Variants in ST6GAL1 observed in about 807,000 individuals in gnomAD.
ST6GAL1 encodes ST6 beta-galactoside alpha-2,6-sialyltransferase 1, also known as beta-galactoside alpha-2,6-sialyltransferase 1.
In ST6GAL1, 20 loss-of-function variants were observed where a neutral mutation model predicts 38.0. That is an observed-to-expected ratio of 0.53 (90% CI 0.37 to 0.77). ST6GAL1 has a LOEUF of 0.77. Among genes scored for constraint, ST6GAL1 ranks in the 30% least tolerant of loss-of-function variants. The pLI is 0.00. For synonymous variants in ST6GAL1, 196 were observed against 188.2 expected, an observed-to-expected ratio of 1.04 and a Z score of -0.34; for missense variants, 432 against 496.4, an observed-to-expected ratio of 0.87 and a Z score of 1.23.
At position 186,946,276 on chromosome 3, in the gene ST6GAL1, C is replaced by G. The variant is rs901166612; in HGVS notation, c.-325+15442C>G. Among the ~76,000 whole-genome samples, 10 of 151,738 alleles carry G rather than the reference C, an allele frequency of 6.6e-5. No individual in the cohort carries two copies. The South Asian group carries it at 1.9e-3, about 28-fold the overall frequency. ...TGCAGTGAGCTGAGGTCGTGCCACT[C>G]TAGCCTGGGCGACAGAGTGAGATTC... On this transcript the variant is annotated intron_variant, in intron 1 of 7. Transcript: ENST00000169298.
chr3:187,067,132 G>A (rs1383183259), intron 5 of ST6GAL1, among the ~76,000 whole-genome samples: 3 of 136,064 alleles, frequency 2.2e-5, no homozygotes, highest in African/African-American at 8.4e-5. Context: ...TGTCACCCAG[G>A]CTGGAGTGCA....
intron 5 of ST6GAL1, among the ~76,000 whole-genome samples, chr3:187,066,692 G>C (rs1011027414): frequency 6.6e-6 from 1 of 151,842 alleles, no homozygotes; most frequent in South Asian, 2.1e-4. Context: ...AACTGAGAAG[G>C]TTACTTTAAA....
At chr3:187,064,506 C>G (rs553267109) in intron 5 of ST6GAL1, 2 of 456,182 alleles carry the variant, frequency 4.4e-6, no homozygotes, top group African/African-American at 4.0e-5. Context: ...ATTTTTTTCC[C>G]ATTACACTTC....
rs144967783 is a variant in ST6GAL1 at position 186,950,925 on chromosome 3, C to T, written c.-324-12860C>T. On this transcript the variant is annotated intron_variant, in intron 1 of 7. Coordinates refer to ENST00000169298, the MANE Select transcript of ST6GAL1 (RefSeq NM_173216.2). ...AAGCTTTCATTTACTGAACTCTTAC[C>T]ATGTCTGGGCATGCTATATGCTTTA... Among the ~76,000 whole-genome samples, 35 of 152,320 alleles carry T rather than the reference C, an allele frequency of 2.3e-4. 1 individual carries two copies. The East Asian group carries it at 6.4e-3, about 28-fold the overall frequency.
chr3:187,042,666 G>T lies in ST6GAL1; in HGVS notation c.-38G>T. The T allele has an allele frequency of 6.5e-7, 1 of 1,549,670 alleles. No individual in the cohort carries two copies. Among genetic ancestry groups the T allele is most frequent in the Admixed American group, 2.1e-5 (1 of 47,262 alleles). ...TCACTTTTTTTAGGCTTGTTTTCCT[G>T]CTCAGAACAAAGTGACTTCCCTGAA... On this transcript the variant is annotated 5_prime_UTR_variant, in exon 4 of 8. Transcript: ENST00000169298.
intron 2 of ST6GAL1, among the ~76,000 whole-genome samples, chr3:186,983,812 G>A (rs1023346643): frequency 6.6e-6 from 1 of 152,070 alleles, no homozygotes; most frequent in South Asian, 2.1e-4. Context: ...TTACGCCCAG[G>A]AATCCTTGCT....
rs753987883 is a variant in ST6GAL1 at position 187,043,242 on chromosome 3, C to T, written c.539C>T (p.Pro180Leu). The change falls in exon 4 of 8, where the codon CCT becomes CTT. Residue 180 changes from proline (P) to leucine (L), a missense_variant. Physicochemically the swap from Pro to Leu is moderately conservative, Grantham distance 98. Coordinates refer to ENST00000169298, the MANE Select transcript of ST6GAL1 (RefSeq NM_173216.2). ...PKESIRTKAG[P>L]WGRCAVVSSA... ...GAGAGCATTAGGACCAAGGCTGGGC[C>T]TTGGGGCAGGTGTGCTGTTGTGTCG... 1 of 1,614,042 alleles carries T rather than the reference C, an allele frequency of 6.2e-7. No homozygotes were observed. Among genetic ancestry groups the T allele is most frequent in the African/African-American group, 1.3e-5 (1 of 74,916 alleles).
intron 2 of ST6GAL1, among the ~76,000 whole-genome samples, chr3:186,982,827 G>T (rs544310799): frequency 1.3e-5 from 2 of 151,524 alleles, no homozygotes; most frequent in Non-Finnish European, 2.9e-5. Context: ...GATTACAGTC[G>T]CCCGCCACCA....
intron 1 of ST6GAL1, among the ~76,000 whole-genome samples, chr3:186,945,802 C>A (rs1015905119): frequency 2.0e-5 from 3 of 148,470 alleles, no homozygotes; most frequent in Non-Finnish European, 4.5e-5. Flanking sequence ...CTGGCTAACA[C>A]AGTGAAACCC....
intron 5 of ST6GAL1, among the ~76,000 whole-genome samples, chr3:187,053,893 A>T (rs2108588789): frequency 6.6e-6 from 1 of 152,348 alleles, no homozygotes; most frequent in African/African-American, 2.4e-5. Flanking sequence ...CTTGGGCAGT[A>T]TGGCCCTTTC....
At chr3:186,936,437 T>C (rs1423198088) in intron 1 of ST6GAL1, among the ~76,000 whole-genome samples, 2 of 152,202 alleles carry the variant, frequency 1.3e-5, no homozygotes, top group African/African-American at 4.8e-5. Context: ...ATGAATTTTT[T>C]CTTGCTTGTC....
intron 2 of ST6GAL1, among the ~76,000 whole-genome samples, chr3:186,994,011 C>T (rs1029532719): frequency 1.7e-4 from 26 of 152,138 alleles, no homozygotes; most frequent in African/African-American, 5.3e-4. Context: ...CTGAAGCACT[C>T]GGCAGGCTCC....
intron 4 of ST6GAL1, among the ~76,000 whole-genome samples, chr3:187,045,613 C>T (rs4686843): frequency 0.2 from 30,136 of 152,106 alleles, 3,111 homozygotes; most frequent in Admixed American, 0.3. Flanking sequence ...GAGCTAAATG[C>T]GGAGGCTCAA....
chr3:186,940,951 G>A (rs1009881339), intron 1 of ST6GAL1, among the ~76,000 whole-genome samples: 25 of 152,170 alleles, frequency 1.6e-4, no homozygotes, highest in African/African-American at 5.6e-4. Context: ...TGGGTTAAAT[G>A]AACCTAGTCC....
intron 2 of ST6GAL1, among the ~76,000 whole-genome samples, chr3:186,995,523 A>G (rs569981987): frequency 4.7e-5 from 3 of 63,224 alleles, no homozygotes; most frequent in Admixed American, 3.0e-4. Flanking sequence ...AAATAATAAT[A>G]AAATAAAAAA....
chr3:187,065,706 T>C (rs1719080127), intron 5 of ST6GAL1, among the ~76,000 whole-genome samples: 1 of 152,208 alleles, frequency 6.6e-6, no homozygotes, highest in Non-Finnish European at 1.5e-5. Context: ...CTACTTCCTA[T>C]ATGCCTAGCA....
intron 1 of ST6GAL1, among the ~76,000 whole-genome samples, chr3:186,944,880 GAA>G: frequency 6.6e-6 from 1 of 152,308 alleles, no homozygotes; most frequent in Non-Finnish European, 1.5e-5. Flanking sequence ...GTAACTCTGG[GAA>G]AAAGTCTCCA....
intron 2 of ST6GAL1, among the ~76,000 whole-genome samples, chr3:186,994,186 T>C (rs1342061709): frequency 6.6e-6 from 1 of 152,026 alleles, no homozygotes; most frequent in Admixed American, 6.5e-5. Flanking sequence ...AAAGAGAGAG[T>C]AATTGAAATA....
chr3:187,047,027 G>A (rs1718320825), intron 4 of ST6GAL1, among the ~76,000 whole-genome samples: 1 of 152,146 alleles, frequency 6.6e-6, no homozygotes, highest in Non-Finnish European at 1.5e-5. Context: ...CTCACTGCAA[G>A]CTCCGCCTCC....
Sources: gnomAD v4.1 joint callset for allele counts (sites outside exome capture counted in the v4.1 genomes callset) on GRCh38, gnomAD v4.1.1 for gene constraint, MANE v1.5 for transcripts, NCBI Gene and HGNC (gene_info 2026-07-23, HGNC 2026-07-21) for gene names.